Variants in USP31 observed in about 807,000 individuals in gnomAD.
USP31 encodes ubiquitin specific peptidase 31.
USP31 carries 44 observed loss-of-function variants against 119.4 expected under a neutral mutation model. The ratio of observed to expected loss-of-function variants is 0.37; its 90% CI spans 0.29 to 0.47. The LOEUF is 0.47. USP31 is among the 20% of genes least tolerant of loss of function. The pLI, the probability that USP31 is intolerant of heterozygous loss-of-function variation, is 0.99. For synonymous variants in USP31, 749 were observed against 705.6 expected (o/e 1.06, Z -0.97); for missense variants, 1,643 against 1,730.2 (o/e 0.95, Z 0.89).
intron 1 of USP31, among the ~76,000 whole-genome samples, chr16:23,135,292 T>A (rs1411694532): frequency 2.0e-5 from 3 of 152,118 alleles, no homozygotes; most frequent in Non-Finnish European, 2.9e-5. Context: ...AAGACAAGGA[T>A]GCCTACTTTT....
At chr16:23,115,402 G>A (rs1307086791) in intron 1 of USP31, among the ~76,000 whole-genome samples, 1 of 152,090 alleles carries the variant, frequency 6.6e-6, no homozygotes, top group African/African-American at 2.4e-5. Flanking sequence ...TTATGCCTGT[G>A]ATCTCAGCAC....
chr16:23,148,984 G>C lies in USP31; in HGVS notation c.287C>G (p.Pro96Arg). The change falls in exon 1 of 16, where the codon CCC (proline) becomes CGC (arginine). Residue 96 changes from proline to arginine, a missense_variant. Physicochemically the swap from Pro to Arg is moderately radical, Grantham distance 103. Around this residue, in one of 5 missense-constraint regions of USP31, gnomAD observed 302 missense variants for 262.6 expected, o/e 1.15. Transcript: ENST00000219689. ...DRGGLRSCFPPGPAAAPTPPP... is the reference protein window; with the variant it reads ...DRGGLRSCFPRGPAAAPTPPP... ...CGGCGTGGGCGCGGCGGCCGGCCCGGGCGGGAAGCAGCTGCGGAGGCCGCC... is the reference window on the plus strand; with the variant it reads ...CGGCGTGGGCGCGGCGGCCGGCCCGCGCGGGAAGCAGCTGCGGAGGCCGCC... 9.6e-7 allele frequency: 1 copy of C among 1,039,860 alleles called. No homozygotes were observed. Among genetic ancestry groups the C allele is most frequent in the Non-Finnish European group, 1.2e-6 (1 of 858,430 alleles). The allele number at this position is 1,039,860 out of a possible 1,614,324, so 64.4% of individuals were successfully genotyped here. A position where few individuals can be genotyped will look rare whatever the true frequency, so the allele number is the denominator to read the frequency against.
At chr16:23,131,036 G>A (rs1001101828) in intron 1 of USP31, among the ~76,000 whole-genome samples, 3 of 152,160 alleles carry the variant, frequency 2.0e-5, no homozygotes, top group African/African-American at 7.2e-5. Context: ...TCAGCTGGGC[G>A]CTGTGGCTCA....
At position 23,144,364 on chromosome 16, in the gene USP31, G is replaced by A. The variant is rs535265111; in HGVS notation, c.633+4274C>T. 5.3e-5 allele frequency among the ~76,000 whole-genome samples: 8 copies of A among 152,288 alleles called. No individual in the cohort carries two copies. The South Asian group carries it at 1.5e-3, about 28-fold the overall frequency. ...TAGAACTGAGCAGGATTCTAAGGCT[G>A]AATGTGAGCGATGTGAAAGTGAAGA... On this transcript the variant is annotated intron_variant, in intron 1 of 15. Coordinates refer to ENST00000219689, the MANE Select transcript of USP31 (RefSeq NM_020718.4).
intron 15 of USP31, among the ~76,000 whole-genome samples, chr16:23,071,047 G>C (rs951764154): frequency 6.6e-6 from 1 of 152,170 alleles, no homozygotes. Flanking sequence ...GCCTAAACAA[G>C]CAAAGGTTCA....
At chr16:23,078,398 G>A (rs1386048016) in intron 13 of USP31, among the ~76,000 whole-genome samples, 1 of 152,040 alleles carries the variant, frequency 6.6e-6, no homozygotes, top group East Asian at 1.9e-4. Context: ...TGAAGATGAG[G>A]ATGCAGAAGG....
Position 23,148,903 on chromosome 16 carries a change from G to C in USP31, c.368C>G (p.Pro123Arg). 2.8e-6 allele frequency: 4 copies of C among 1,409,492 alleles called. No individual in the cohort carries two copies. The highest frequency in any genetic ancestry group is 1.7e-5 in the South Asian group (1 of 59,476). The allele number at this position is 1,409,492 out of a possible 1,614,324, so 87.3% of individuals were successfully genotyped here. A position where few individuals can be genotyped will look rare whatever the true frequency, so the allele number is the denominator to read the frequency against. ...GCGGAGCCCCGCCACGCCGGGCACCGGCTCGGCGGCGCAAGCGGGCGGCGC... is the reference window on the plus strand; with the variant it reads ...GCGGAGCCCCGCCACGCCGGGCACCCGCTCGGCGGCGCAAGCGGGCGGCGC... Reference protein sequence around the residue: ...SPAPPACAAEPVPGVAGLRNH... With the variant: ...SPAPPACAAERVPGVAGLRNH... The change falls in exon 1 of 16, where the codon CCG becomes CGG. Residue 123 changes from proline to arginine, a missense_variant. Around this residue, in one of 5 missense-constraint regions of USP31, gnomAD observed 302 missense variants for 262.6 expected, o/e 1.15. Coordinates refer to ENST00000219689, the MANE Select transcript of USP31 (RefSeq NM_020718.4).
intron 1 of USP31, among the ~76,000 whole-genome samples, chr16:23,127,876 T>C (rs1902914647): frequency 6.6e-6 from 1 of 152,218 alleles, no homozygotes; most frequent in African/African-American, 2.4e-5. Flanking sequence ...CATACGGTCC[T>C]AGTAGAATAT....
chr16:23,073,051 A>G (rs1900411649), intron 14 of USP31, among the ~76,000 whole-genome samples: 1 of 152,118 alleles, frequency 6.6e-6, no homozygotes, highest in African/African-American at 2.4e-5. Flanking sequence ...GCTCTCTTGA[A>G]GTCAAACTCT....
chr16:23,120,428 T>C (rs1902629109), intron 1 of USP31, among the ~76,000 whole-genome samples: 1 of 152,236 alleles, frequency 6.6e-6, no homozygotes, highest in African/African-American at 2.4e-5. Flanking sequence ...GAGACAGACC[T>C]ATGGAGCTTT....
At chr16:23,070,472 G>A (rs1782701049) in intron 15 of USP31, among the ~76,000 whole-genome samples, 1 of 152,150 alleles carries the variant, frequency 6.6e-6, no homozygotes, top group Non-Finnish European at 1.5e-5. Flanking sequence ...CCAGCACTTT[G>A]GGAGGCTGAG....
chr16:23,123,372 T>C (rs879775136), intron 1 of USP31, among the ~76,000 whole-genome samples: 1 of 151,956 alleles, frequency 6.6e-6, no homozygotes, highest in Non-Finnish European at 1.5e-5. Context: ...ACCCTGTCTC[T>C]ACTAAAAATA....
chr16:23,074,573 A>AG (rs1181782324), intron 13 of USP31, among the ~76,000 whole-genome samples: 3 of 152,208 alleles, frequency 2.0e-5, no homozygotes, highest in Non-Finnish European at 4.4e-5. Flanking sequence ...GAAAGGCAGG[A>AG]GCCCAGCTCA....
At position 23,134,787 on chromosome 16, in the gene USP31, A is replaced by T. The variant is rs185789317; in HGVS notation, c.633+13851T>A. On this transcript the variant is annotated intron_variant, in intron 1 of 15. Coordinates refer to ENST00000219689, the MANE Select transcript of USP31 (RefSeq NM_020718.4). ...GGGAAAAGGTCAGGTTAAAAAATAT[A>T]AATTAAAACTTTCTGTAATATACAA... Among the ~76,000 whole-genome samples, 613 of 152,180 alleles carry T rather than the reference A, an allele frequency of 4.0e-3. 2 individuals carry two copies. Among genetic ancestry groups the T allele is most frequent in the Middle Eastern group, 0.01 (3 of 294 alleles).
intron 1 of USP31, among the ~76,000 whole-genome samples, chr16:23,116,283 T>C (rs746726035): frequency 6.6e-6 from 1 of 152,168 alleles, no homozygotes; most frequent in African/African-American, 2.4e-5. Flanking sequence ...AAGAAATAGA[T>C]GAAATGCAAA....
chr16:23,077,328 A>G (rs1900620135), intron 13 of USP31, among the ~76,000 whole-genome samples: 1 of 152,244 alleles, frequency 6.6e-6, no homozygotes, highest in Non-Finnish European at 1.5e-5. Flanking sequence ...GTTTGAAAAA[A>G]AGAAAAATAT....
intron 1 of USP31, among the ~76,000 whole-genome samples, chr16:23,139,937 C>G (rs758439593): frequency 6.6e-6 from 1 of 152,146 alleles, no homozygotes. Context: ...TTTACCACTA[C>G]GCCTCTTGTA....
intron 1 of USP31, among the ~76,000 whole-genome samples, chr16:23,129,100 A>G (rs1367739188): frequency 6.6e-6 from 1 of 152,162 alleles, no homozygotes; most frequent in Non-Finnish European, 1.5e-5. Context: ...TTTGTATTGT[A>G]TTTTACAAAC....
chr16:23,134,519 A>G (rs1240021510), intron 1 of USP31, among the ~76,000 whole-genome samples: 2 of 152,184 alleles, frequency 1.3e-5, no homozygotes, highest in African/African-American at 2.4e-5. Flanking sequence ...CGAGGCTAGC[A>G]AGTGGTGCAG....
Sources: allele counts gnomAD v4.1 joint callset (sites outside exome capture counted in the v4.1 genomes callset), GRCh38; gene constraint gnomAD v4.1.1; regional missense constraint gnomAD v4.1.1; transcripts MANE v1.5; gene names NCBI Gene and HGNC (gene_info 2026-07-23, HGNC 2026-07-21).